The following AOPEP variants were observed in gnomAD, a reference collection of about 807,000 sequenced individuals.
AOPEP encodes aminopeptidase O.
Under a neutral mutation model 98.1 loss-of-function variants are expected in AOPEP, and 77 were observed. The observed-to-expected ratio is 0.78, with a 90% CI of 0.65 to 0.95. The LOEUF is 0.95. Ranked by LOEUF, AOPEP falls within the 40% of genes least tolerant of loss-of-function variation. The pLI, the probability that AOPEP is intolerant of heterozygous loss-of-function variation, is 0.00. For missense variants in AOPEP, 1,024 were observed against 1,024.7 expected (o/e 1.00, Z 0.01); for synonymous variants, 346 against 365.3 (o/e 0.95, Z 0.60).
chr9:94,981,070 G>T (rs2060151124), intron 11 of AOPEP, among the ~76,000 whole-genome samples: 1 of 152,194 alleles, frequency 6.6e-6, no homozygotes, highest in Non-Finnish European at 1.5e-5. Flanking sequence ...GCAGCCATTA[G>T]CCCCTAGGGA....
Position 95,082,099 on chromosome 9 carries a change from C to T in AOPEP, c.2320-476C>T, listed in dbSNP as rs374618645. On this transcript the variant is annotated intron_variant, in intron 15 of 16. Transcript: ENST00000375315. ...CGGGCATCGTGATGTGTCTCTGCCG[C>T]GGCTGCTGCCTGCTGTGCTCTTTGC... Among the ~76,000 whole-genome samples, 7 of 152,184 alleles carry T rather than the reference C, an allele frequency of 4.6e-5. No homozygotes were observed. In the East Asian group the frequency reaches 7.7e-4, roughly 17 times the overall value.
chr9:95,101,635 G>A, the AOPEP span: 1 of 1,595,728 alleles, frequency 6.3e-7, no homozygotes, highest in Non-Finnish European at 8.5e-7. Context: ...CGTGGCCACA[G>A]GTCATCACCT....
At chr9:95,079,956 G>A (rs888567605) in intron 14 of AOPEP, among the ~76,000 whole-genome samples, 1 of 152,098 alleles carries the variant, frequency 6.6e-6, no homozygotes, top group Non-Finnish European at 1.5e-5. Context: ...CAGTGTCTCC[G>A]CCTCTTACTG....
intron 3 of AOPEP, among the ~76,000 whole-genome samples, chr9:94,787,771 T>C (rs745545080): frequency 5.2e-4 from 79 of 152,344 alleles, no homozygotes; most frequent in Middle Eastern, 3.4e-3. Flanking sequence ...CAAGTAATTC[T>C]GATGGGTTTA....
rs201160070 is a variant in AOPEP, at chr9:94,760,582, T to C, written c.797+2T>C. 11 of 1,521,546 alleles carry C rather than the reference T, an allele frequency of 7.2e-6. No homozygotes were observed. Among genetic ancestry groups the C allele is most frequent in the Non-Finnish European group, 9.7e-6 (11 of 1,139,858 alleles). The allele number at this position is 1,521,546 out of a possible 1,614,324, so 94.3% of individuals were successfully genotyped here. A position where few individuals can be genotyped will look rare whatever the true frequency, so the allele number is the denominator to read the frequency against. Reference sequence around the variant, plus strand: ...ATGGACCTCAGACCAGAGTGGCAGGTAGGTTATCCAAGCACTTCAAAGCCC... The same window carrying C: ...ATGGACCTCAGACCAGAGTGGCAGGCAGGTTATCCAAGCACTTCAAAGCCC... On this transcript the variant is annotated splice_donor_variant, in intron 2 of 16. Coordinates refer to ENST00000375315, the MANE Select transcript of AOPEP (RefSeq NM_001193329.3). LOFTEE classifies it high-confidence loss of function.
At chr9:95,129,780 C>G in the AOPEP span, among the ~76,000 whole-genome samples, 2 of 152,126 alleles carry the variant, frequency 1.3e-5, no homozygotes, top group Non-Finnish European at 2.9e-5. Context: ...CTCCTTATCT[C>G]CCCCCTCAGG....
intron 7 of AOPEP, among the ~76,000 whole-genome samples, chr9:94,938,652 A>T (rs376079484): frequency 6.6e-6 from 1 of 152,194 alleles, no homozygotes; most frequent in Non-Finnish European, 1.5e-5. Flanking sequence ...AACCAGTGAG[A>T]CTGAAGGTGG....
chr9:95,062,801 T>C (rs1259477783), intron 14 of AOPEP, among the ~76,000 whole-genome samples: 2 of 152,224 alleles, frequency 1.3e-5, no homozygotes, highest in Admixed American at 6.5e-5. Flanking sequence ...TCTCAGGTTA[T>C]GCACACCCTG....
At chr9:95,097,315 T>C in the AOPEP span, among the ~76,000 whole-genome samples, 1 of 152,270 alleles carries the variant, frequency 6.6e-6, no homozygotes, top group East Asian at 1.9e-4. Context: ...GTTTGGCCCC[T>C]TCCTGTAGTT....
At position 94,989,799 on chromosome 9, in the gene AOPEP, C is replaced by G. The variant is rs546652939; in HGVS notation, c.1977+10372C>G. On this transcript the variant is annotated intron_variant, in intron 11 of 16. Coordinates refer to ENST00000375315, the MANE Select transcript of AOPEP (RefSeq NM_001193329.3). ...GCTAATTTTTGTATTTTTATAGCGACAGGGTTTCACCATATTGGCCAGGCT... is the reference window on the plus strand; with the variant it reads ...GCTAATTTTTGTATTTTTATAGCGAGAGGGTTTCACCATATTGGCCAGGCT... Among the ~76,000 whole-genome samples the G allele has an allele frequency of 1.5e-4, 22 of 151,492 alleles. 1 individual carries two copies. In the South Asian group the frequency reaches 4.6e-3, roughly 32 times the overall value.
chr9:94,962,252 C>T (rs1198950360), intron 9 of AOPEP, among the ~76,000 whole-genome samples: 2 of 152,314 alleles, frequency 1.3e-5, no homozygotes, highest in East Asian at 3.9e-4. Context: ...CGAAGAGAGT[C>T]ATCCTCAGTT....
At chr9:95,067,596 GA>G (rs1730065790) in intron 14 of AOPEP, among the ~76,000 whole-genome samples, 1 of 152,144 alleles carries the variant, frequency 6.6e-6, no homozygotes, top group Non-Finnish European at 1.5e-5. Context: ...AGTTTTTCTC[GA>G]GAGTAGACTG....
chr9:94,944,988 G>A (rs1343440882), intron 7 of AOPEP, among the ~76,000 whole-genome samples: 1 of 152,136 alleles, frequency 6.6e-6, no homozygotes, highest in East Asian at 1.9e-4. Context: ...GCCTGGTGGG[G>A]TTGATCAACA....
At chr9:94,823,336 T>A (rs1038210763) in intron 5 of AOPEP, among the ~76,000 whole-genome samples, 1 of 152,210 alleles carries the variant, frequency 6.6e-6, no homozygotes, top group Admixed American at 6.5e-5. Flanking sequence ...GTTGACTCGC[T>A]TTCTATTTAA....
intron 5 of AOPEP, among the ~76,000 whole-genome samples, chr9:94,858,704 A>C (rs959612963): frequency 6.6e-6 from 1 of 152,050 alleles, no homozygotes; most frequent in Non-Finnish European, 1.5e-5. Flanking sequence ...GGAGGTGATT[A>C]GGTCATGAGG....
At chr9:94,841,701 A>G (rs1471652521) in intron 5 of AOPEP, among the ~76,000 whole-genome samples, 1 of 152,012 alleles carries the variant, frequency 6.6e-6, no homozygotes, top group Non-Finnish European at 1.5e-5. Context: ...TTAATTTAAG[A>G]GTTTTGTCTC....
At chr9:95,042,452 A>C (rs1266780266) in intron 13 of AOPEP, among the ~76,000 whole-genome samples, 1 of 152,252 alleles carries the variant, frequency 6.6e-6, no homozygotes, top group Non-Finnish European at 1.5e-5. Context: ...TGGAACTCAG[A>C]TGTATTAATT....
intron 14 of AOPEP, among the ~76,000 whole-genome samples, chr9:95,074,716 C>T (rs2134128842): frequency 6.6e-6 from 1 of 152,300 alleles, no homozygotes; most frequent in African/African-American, 2.4e-5. Context: ...GATCCAGAGA[C>T]CCAGATGCCA....
At chr9:95,112,005 G>GGA in the AOPEP span, among the ~76,000 whole-genome samples, 2 of 152,194 alleles carry the variant, frequency 1.3e-5, no homozygotes, top group Non-Finnish European at 2.9e-5. Flanking sequence ...AGAAAGAGGT[G>GGA]GAGGGTAGGA....
Sources: gnomAD v4.1 joint callset for allele counts (sites outside exome capture counted in the v4.1 genomes callset) on GRCh38, gnomAD v4.1.1 for gene constraint, MANE v1.5 for transcripts, NCBI Gene and HGNC (gene_info 2026-07-23, HGNC 2026-07-21) for gene names.